The following WDR72 variants were observed in gnomAD, a reference collection of about 807,000 sequenced individuals.
WDR72 encodes WD repeat-containing protein 72.
Under a neutral mutation model 124.2 loss-of-function variants are expected in WDR72, and 120 were observed. The observed-to-expected ratio is 0.97, with a 90% CI of 0.83 to 1.12. The LOEUF (loss-of-function observed/expected upper bound fraction) is 1.12. Among genes scored for constraint, WDR72 ranks in the 50% most tolerant of loss-of-function variants. The pLI is 0.00. For synonymous variants in WDR72, 452 were observed against 441.7 expected, an observed-to-expected ratio of 1.02 and a Z score of -0.29; for missense variants, 1,387 against 1,278.8, an observed-to-expected ratio of 1.08 and a Z score of -1.29.
chr15:53,729,799 C>CAAA (rs545511315), intron 2 of WDR72, among the ~76,000 whole-genome samples: 2 of 141,762 alleles, frequency 1.4e-5, no homozygotes, highest in African/African-American at 5.5e-5. Flanking sequence ...ATGGCTATTA[C>CAAA]AAAAAAAAAA....
intron 3 of WDR72, among the ~76,000 whole-genome samples, chr15:53,721,162 C>A (rs376092604): frequency 3.7e-4 from 57 of 152,296 alleles, no homozygotes; most frequent in African/African-American, 1.3e-3. Context: ...TTCAAATCAA[C>A]TTGGTGAAGG....
At position 53,706,373 on chromosome 15, in the gene WDR72, T is replaced by C. The variant is rs867347649; in HGVS notation, c.955-299A>G. Among the ~76,000 whole-genome samples, 605 of 67,214 alleles carry C rather than the reference T, an allele frequency of 9.0e-3. 9 individuals carry two copies. Among genetic ancestry groups the C allele is most frequent in the African/African-American group, 0.035 (584 of 16,480 alleles). The allele number at this position is 67,214 out of a possible 152,430, so 44.1% of individuals were successfully genotyped here. ...GTGTATATATATATATATATATATA[T>C]ATATATATATATATATATATATGGC... On this transcript the variant is annotated intron_variant, in intron 9 of 19. Transcript: ENST00000360509.
chr15:53,644,223 A>G (rs1161878469), intron 14 of WDR72, among the ~76,000 whole-genome samples: 5 of 152,108 alleles, frequency 3.3e-5, no homozygotes, highest in African/African-American at 1.2e-4. Context: ...ACGACCGGAA[A>G]TGTGAAATAA....
chr15:53,676,842 T>G (rs567273618), intron 13 of WDR72, among the ~76,000 whole-genome samples: 35 of 152,272 alleles, frequency 2.3e-4, no homozygotes, highest in African/African-American at 7.7e-4. Flanking sequence ...CCAGGACTTG[T>G]GGCAGTACTT....
At chr15:53,744,673 C>T (rs536251657) in intron 1 of WDR72, among the ~76,000 whole-genome samples, 1 of 152,244 alleles carries the variant, frequency 6.6e-6, no homozygotes, top group African/African-American at 2.4e-5. Context: ...TTGTTTGATC[C>T]CTAGTCCCTG....
intron 14 of WDR72, 136 bp downstream of exon 14, chr15:53,665,436 G>T: frequency 1.0e-6 from 1 of 954,678 alleles, no homozygotes; most frequent in Non-Finnish European, 1.6e-6. Context: ...ATTCACCCAA[G>T]ATTACTTGGT....
Position 53,574,759 on chromosome 15 carries a change from T to G in WDR72, c.3148+22320A>C, listed in dbSNP as rs560292620. ...TCAGACTTTCTTTTCTTCCTCCATT[T>G]TTTCCTTCTATAAAATAAATTAACA... On this transcript the variant is annotated intron_variant, in intron 18 of 19. Transcript: ENST00000360509. Among the ~76,000 whole-genome samples the G allele has an allele frequency of 1.9e-4, 29 of 152,272 alleles. 1 individual carries two copies. In the South Asian group the frequency reaches 6.0e-3, roughly 32 times the overall value.
intron 18 of WDR72, among the ~76,000 whole-genome samples, chr15:53,548,683 T>C (rs972817306): frequency 5.9e-5 from 9 of 151,684 alleles, no homozygotes; most frequent in Non-Finnish European, 1.2e-4. Context: ...TGGGGAACTA[T>C]AGCATGATTA....
intron 17 of WDR72, among the ~76,000 whole-genome samples, chr15:53,602,749 T>C (rs2013100948): frequency 6.6e-6 from 1 of 151,908 alleles, no homozygotes; most frequent in Non-Finnish European, 1.5e-5. Context: ...AATAGATAAA[T>C]TCCTGGACAC....
At chr15:53,600,264 T>C (rs2012985304) in intron 17 of WDR72, among the ~76,000 whole-genome samples, 2 of 152,150 alleles carry the variant, frequency 1.3e-5, no homozygotes, top group African/African-American at 4.8e-5. Flanking sequence ...ATGTAATAGA[T>C]AGATTTTACA....
At chr15:53,642,672 T>G (rs1595814973) in intron 14 of WDR72, among the ~76,000 whole-genome samples, 1 of 152,196 alleles carries the variant, frequency 6.6e-6, no homozygotes, top group East Asian at 1.9e-4. Context: ...TTGGAAAGTC[T>G]TAAATTACAA....
At chr15:53,704,598 C>T (rs2017284578) in intron 11 of WDR72, among the ~76,000 whole-genome samples, 1 of 151,040 alleles carries the variant, frequency 6.6e-6, no homozygotes, top group South Asian at 2.1e-4. Flanking sequence ...GTGATCTCAG[C>T]TCACTGCAAG....
rs1891504055 is a variant in WDR72, at chr15:53,517,076, C to G, written c.*623G>C. 6.5e-6 allele frequency: 1 copy of G among 152,712 alleles called. No individual in the cohort carries two copies. Among genetic ancestry groups the G allele is most frequent in the African/African-American group, 2.4e-5 (1 of 41,426 alleles). 9.5% of individuals were successfully genotyped at this position (152,712 alleles called of 1,614,324 possible). On this transcript the variant is annotated 3_prime_UTR_variant, in exon 20 of 20. Coordinates refer to ENST00000360509, the MANE Select transcript of WDR72 (RefSeq NM_182758.4). ...TCATTAGAAGTTCAAATTAACTCAACAGTACAAGGTTGGTCACTGTTATAC... is the reference window on the plus strand; with the variant it reads ...TCATTAGAAGTTCAAATTAACTCAAGAGTACAAGGTTGGTCACTGTTATAC...
chr15:53,635,516 C>T (rs576475472), intron 14 of WDR72, among the ~76,000 whole-genome samples: 2 of 152,188 alleles, frequency 1.3e-5, no homozygotes, highest in Non-Finnish European at 2.9e-5. Context: ...AAAATCACTA[C>T]AAGAGTGACT....
intron 14 of WDR72, among the ~76,000 whole-genome samples, chr15:53,619,414 A>G (rs560081061): frequency 1.3e-5 from 2 of 152,114 alleles, no homozygotes; most frequent in African/African-American, 4.8e-5. Flanking sequence ...CTCTTTAAAC[A>G]AAATTTTCAG....
rs150370745 is a variant in WDR72, at chr15:53,663,500, T to C, written c.1962+2072A>G. ...ATAAAGAAAATGAAATCTATATATA[T>C]TATTACCACTACCTAAAGAGTAGCT... On this transcript the variant is annotated intron_variant, in intron 14 of 19. Coordinates refer to ENST00000360509, the MANE Select transcript of WDR72 (RefSeq NM_182758.4). 5.9e-5 allele frequency among the ~76,000 whole-genome samples: 9 copies of C among 152,278 alleles called. No homozygotes were observed. The East Asian group carries it at 1.7e-3, about 29-fold the overall frequency.
intron 2 of WDR72, among the ~76,000 whole-genome samples, chr15:53,727,608 C>T (rs568427282): frequency 6.6e-6 from 1 of 152,296 alleles, no homozygotes; most frequent in East Asian, 1.9e-4. Context: ...CCTGTCATCA[C>T]ACTCAGGGGT....
intron 18 of WDR72, among the ~76,000 whole-genome samples, chr15:53,560,855 G>A (rs531717995): frequency 4.8e-4 from 73 of 150,642 alleles, no homozygotes; most frequent in African/African-American, 1.5e-3. Context: ...TCCCAGCCCC[G>A]GCCCCCCAAA....
chr15:53,593,784 T>C (rs2012629589), intron 18 of WDR72, among the ~76,000 whole-genome samples: 2 of 151,566 alleles, frequency 1.3e-5, no homozygotes, highest in South Asian at 2.1e-4. Context: ...AAAAGAAAGA[T>C]AGCTGGTGTG....
Sources: gnomAD v4.1 joint callset for allele counts (sites outside exome capture counted in the v4.1 genomes callset) on GRCh38, gnomAD v4.1.1 for gene constraint, MANE v1.5 for transcripts, NCBI Gene and HGNC (gene_info 2026-07-23, HGNC 2026-07-21) for gene names.